Variants in UBE2W observed in about 807,000 individuals in gnomAD.
The protein encoded by UBE2W is ubiquitin conjugating enzyme E2 W, also known as ubiquitin-conjugating enzyme E2 W.
Under a neutral mutation model 27.2 loss-of-function variants are expected in UBE2W, and 18 were observed. The ratio of observed to expected loss-of-function variants is 0.66; its 90% CI spans 0.46 to 0.98. The LOEUF (loss-of-function observed/expected upper bound fraction) is 0.98, where lower values mean the gene tolerates loss of function less well. Among genes scored for constraint, UBE2W ranks in the 50% least tolerant of loss-of-function variants. The pLI is 0.00. For missense variants in UBE2W, 90 were observed against 180.2 expected, an observed-to-expected ratio of 0.50 and a Z score of 2.87; for synonymous variants, 53 against 57.2, an observed-to-expected ratio of 0.93 and a Z score of 0.33.
intron 1 of UBE2W, among the ~76,000 whole-genome samples, chr8:73,854,168 A>G (rs1224717811): frequency 6.6e-6 from 1 of 152,134 alleles, no homozygotes; most frequent in Non-Finnish European, 1.5e-5. Flanking sequence ...AGAAAGAAAG[A>G]AAGAAAAATA....
Position 73,805,631 on chromosome 8 carries a change from T to C in UBE2W, c.442+20A>G, listed in dbSNP as rs1808869685. On this transcript the variant is annotated intron_variant, in intron 5 of 5. Transcript: ENST00000602593. ...TCATATCAAAATGCTAAAAAGTTAT[T>C]ACAAATTCAAACTGCTTACCATGAT... 1.4e-6 allele frequency: 2 copies of C among 1,450,712 alleles called. No homozygotes were observed. Among genetic ancestry groups the C allele is most frequent in the South Asian group, 1.5e-5 (1 of 66,250 alleles). The allele number at this position is 1,450,712 out of a possible 1,614,324, so 89.9% of individuals were successfully genotyped here. A position where few individuals can be genotyped will look rare whatever the true frequency, so the allele number is the denominator to read the frequency against.
At chr8:73,878,412 C>G (rs954040022) in intron 1 of UBE2W, among the ~76,000 whole-genome samples, 1 of 152,212 alleles carries the variant, frequency 6.6e-6, no homozygotes. Flanking sequence ...CGGCAACAAC[C>G]GCGGGCGCAG....
chr8:73,787,446 A>G lies in UBE2W; in HGVS notation c.*6656T>C, dbSNP rs746636084. 1.1e-4 allele frequency: 107 copies of G among 985,342 alleles called. No individual in the cohort carries two copies. The highest frequency in any genetic ancestry group is 1.2e-4 in the Non-Finnish European group (103 of 829,950). 61.0% of individuals were successfully genotyped at this position (985,342 alleles called of 1,614,324 possible). On this transcript the variant is annotated 3_prime_UTR_variant, in exon 6 of 6. Transcript: ENST00000602593. ...TATAATAAAGGAAAAGGGCATCATCAAAGTACAAAAGATGGTTCATATATT... is the reference window on the plus strand; with the variant it reads ...TATAATAAAGGAAAAGGGCATCATCGAAGTACAAAAGATGGTTCATATATT...
At chr8:73,856,294 C>T (rs1424674432) in intron 1 of UBE2W, among the ~76,000 whole-genome samples, 3 of 151,950 alleles carry the variant, frequency 2.0e-5, no homozygotes, top group African/African-American at 4.8e-5. Context: ...AAACAACTCC[C>T]CCCTCCCCAC....
At chr8:73,806,541 CAAAAAA>C (rs58380487) in intron 4 of UBE2W, among the ~76,000 whole-genome samples, 1 of 68,500 alleles carries the variant, frequency 1.5e-5, no homozygotes, top group African/African-American at 3.6e-5. Context: ...GCTAAAAATA[CAAAAAA>C]AAAAAAAAAA....
chr8:73,822,529 C>T (rs1809657672), intron 3 of UBE2W, among the ~76,000 whole-genome samples: 2 of 142,748 alleles, frequency 1.4e-5, no homozygotes, highest in Non-Finnish European at 3.0e-5. Context: ...TTCGAGCTGG[C>T]AACAGCAACC....
Position 73,878,855 on chromosome 8 carries a change from A to G in UBE2W, c.-33T>C, listed in dbSNP as rs909980743. On this transcript the variant is annotated 5_prime_UTR_variant, in exon 1 of 6. Transcript: ENST00000602593. ...CCATCCCCCCAAGACCGGCGAGGCC[A>G]GAGACGCAGGGGGAGGAGCTGCCGT... 2.6e-6 allele frequency: 4 copies of G among 1,547,360 alleles called. No homozygotes were observed. The highest frequency in any genetic ancestry group is 1.4e-5 in the African/African-American group (1 of 72,690).
intron 1 of UBE2W, among the ~76,000 whole-genome samples, chr8:73,874,903 T>C (rs928802407): frequency 6.6e-6 from 1 of 151,928 alleles, no homozygotes; most frequent in Non-Finnish European, 1.5e-5. Flanking sequence ...CTCTACAAAA[T>C]ACAAAAACCT....
chr8:73,841,566 A>G (rs1810536064), intron 1 of UBE2W, among the ~76,000 whole-genome samples: 1 of 152,206 alleles, frequency 6.6e-6, no homozygotes, highest in African/African-American at 2.4e-5. Flanking sequence ...TTCAGAGTAC[A>G]GTAGTGTCCA....
chr8:73,848,466 C>T (rs769671117), intron 1 of UBE2W, among the ~76,000 whole-genome samples: 3 of 152,050 alleles, frequency 2.0e-5, no homozygotes, highest in Non-Finnish European at 4.4e-5. Flanking sequence ...GTGGGAGGAT[C>T]GCTTTCCAGG....
intron 1 of UBE2W, among the ~76,000 whole-genome samples, chr8:73,832,648 T>C (rs1342017994): frequency 6.6e-6 from 1 of 152,236 alleles, no homozygotes; most frequent in Non-Finnish European, 1.5e-5. Context: ...GTAGCCATTA[T>C]CTGAACTGCT....
intron 1 of UBE2W, among the ~76,000 whole-genome samples, chr8:73,834,986 C>T (rs572853392): frequency 2.0e-5 from 3 of 152,182 alleles, no homozygotes; most frequent in Non-Finnish European, 2.9e-5. Context: ...CTTTGTAGAG[C>T]GTCTCAAGCC....
At chr8:73,845,055 G>GT (rs1810725692) in intron 1 of UBE2W, among the ~76,000 whole-genome samples, 1 of 150,108 alleles carries the variant, frequency 6.7e-6, no homozygotes. Flanking sequence ...CCGGGAGGTG[G>GT]CCAGCCCCCG....
At chr8:73,820,606 T>G (rs1329591656) in intron 3 of UBE2W, among the ~76,000 whole-genome samples, 2 of 151,896 alleles carry the variant, frequency 1.3e-5, no homozygotes, top group South Asian at 4.1e-4. Flanking sequence ...CCAGGCATGG[T>G]GGTGCATACC....
chr8:73,826,907 T>C (rs978303822), intron 2 of UBE2W, among the ~76,000 whole-genome samples: 3 of 152,326 alleles, frequency 2.0e-5, no homozygotes, highest in Middle Eastern at 3.4e-3. Flanking sequence ...ATGCAAAAGC[T>C]GCATACAAAA....
intron 1 of UBE2W, among the ~76,000 whole-genome samples, chr8:73,858,887 T>C (rs57031521): frequency 0.031 from 4,638 of 150,410 alleles, 219 homozygotes; most frequent in African/African-American, 0.1. Flanking sequence ...TGCGTGTGTG[T>C]GTGTGTGTGT....
At chr8:73,806,305 T>G (rs1808903598) in intron 4 of UBE2W, among the ~76,000 whole-genome samples, 2 of 151,964 alleles carry the variant, frequency 1.3e-5, no homozygotes, top group African/African-American at 4.8e-5. Flanking sequence ...GCAGGAGAAT[T>G]GCTTGAACCC....
intron 3 of UBE2W, among the ~76,000 whole-genome samples, chr8:73,810,932 T>C (rs970833055): frequency 6.6e-6 from 1 of 152,184 alleles, no homozygotes; most frequent in African/African-American, 2.4e-5. Context: ...GACAACTACA[T>C]TTATAAGAAT....
rs147247152 is a variant in UBE2W at position 73,817,269 on chromosome 8, G to A, written c.211-6640C>T. ...CTTGAACCCAGAAGGCGGAGGTTGC[G>A]ATGAGCCAAGATCATGCCACTGCAC... On this transcript the variant is annotated intron_variant, in intron 3 of 5. Transcript: ENST00000602593. Among the ~76,000 whole-genome samples, 1,363 of 152,084 alleles carry A rather than the reference G, an allele frequency of 9.0e-3. 28 individuals are homozygous for A. Among genetic ancestry groups the A allele is most frequent in the African/African-American group, 0.031 (1,290 of 41,490 alleles).
Sources: gnomAD v4.1 joint callset for allele counts (sites outside exome capture counted in the v4.1 genomes callset) on GRCh38, gnomAD v4.1.1 for gene constraint, MANE v1.5 for transcripts, NCBI Gene and HGNC (gene_info 2026-07-23, HGNC 2026-07-21) for gene names.